Variants in UGT1A7 observed in about 807,000 individuals in gnomAD.
UGT1A7 encodes UDP glucuronosyltransferase family 1 member A7, also known as UDP-glucuronosyltransferase 1A7.
UGT1A7 carries 33 observed loss-of-function variants against 45.6 expected under a neutral mutation model. The ratio of observed to expected loss-of-function variants is 0.72; its 90% CI spans 0.55 to 0.97. UGT1A7 has a LOEUF of 0.97. UGT1A7 is among the 50% of genes least tolerant of loss of function. UGT1A7 has a pLI of 0.00. For synonymous variants in UGT1A7, 274 were observed against 250.6 expected (o/e 1.09, Z -0.88); for missense variants, 684 against 666.2 (o/e 1.03, Z -0.29).
At position 233,749,056 on chromosome 2, in the gene UGT1A7, A is replaced by T. The variant is rs140417619; in HGVS notation, c.856-17978A>T. Among the ~76,000 whole-genome samples, 122 of 151,804 alleles carry T rather than the reference A, an allele frequency of 8.0e-4. 1 individual carries two copies. Among genetic ancestry groups the T allele is most frequent in the African/African-American group, 2.8e-3 (116 of 41,130 alleles). On this transcript the variant is annotated intron_variant, in intron 1 of 4. Transcript: ENST00000373426. ...CATTGATGTGGTACTCTGGGACCTG[A>T]ATATTGTTTCTTATTCCTTGGTGTG... is the stretch of plus-strand genomic sequence containing the variant.
chr2:233,682,018 G>A lies in UGT1A7; in HGVS notation c.81G>A (p.Lys27=). The change falls in exon 1 of 5, where the codon AAG becomes AAA. Residue 27 remains lysine, a synonymous_variant. Coordinates refer to ENST00000373426, the MANE Select transcript of UGT1A7 (RefSeq NM_019077.3). ...LLTCGFAKAG[K]LLVVPMDGSH... Reference sequence around the variant, plus strand: ...CCTGTGGCTTTGCCAAGGCAGGGAAGCTGCTGGTAGTGCCCATGGATGGGA... The same window carrying A: ...CCTGTGGCTTTGCCAAGGCAGGGAAACTGCTGGTAGTGCCCATGGATGGGA... The A allele has an allele frequency of 1.2e-6, 2 of 1,614,138 alleles. No homozygotes were observed. The highest frequency in any genetic ancestry group is 1.7e-6 in the Non-Finnish European group (2 of 1,180,026).
In UGT1A7 at chr2:233,755,161, CG is replaced by C. The variant is rs146856809; in HGVS notation, c.856-11869del. The stretch of plus-strand genomic sequence containing the variant: ...CTTCTCACCGCTTCCTCCCTGTCCT[CG>C]GGGTTTTTGTCGGGGTGCCACTTGA... On this transcript the variant is annotated intron_variant, in intron 1 of 4. Transcript: ENST00000373426. 2.3e-3 allele frequency: 2,947 copies of C among 1,292,234 alleles called. 56 individuals carry two copies. The African/African-American group carries it at 0.041, about 18-fold the overall frequency. The allele number at this position is 1,292,234 out of a possible 1,614,324, so 80.0% of individuals were successfully genotyped here.
intron 1 of UGT1A7, among the ~76,000 whole-genome samples, chr2:233,719,977 G>A (rs928010366): frequency 8.5e-5 from 13 of 152,146 alleles, no homozygotes; most frequent in Admixed American, 4.6e-4. Flanking sequence ...CCTTCAGCTC[G>A]GCAGGATCAG....
At chr2:233,768,164 C>A in intron 3 of UGT1A7, 56 bp from the exon 4 acceptor site, 1 of 1,613,412 alleles carries the variant, frequency 6.2e-7, no homozygotes, top group South Asian at 1.1e-5. Context: ...CTAGATGTGT[C>A]CAGCTGTGAA....
chr2:233,718,782 C>A (rs199517966), intron 1 of UGT1A7: 2 of 1,612,936 alleles, frequency 1.2e-6, no homozygotes, highest in East Asian at 2.2e-5. Flanking sequence ...GCAGGCACAG[C>A]GTGGGGTGGA....
intron 1 of UGT1A7, chr2:233,743,801 T>C (rs1692515723): frequency 1.5e-6 from 2 of 1,367,278 alleles, no homozygotes; most frequent in Non-Finnish European, 2.0e-6. Context: ...CGCTTCCTCC[T>C]TGTTCTCAGG....
At chr2:233,727,507 A>C (rs2077622461) in intron 1 of UGT1A7, among the ~76,000 whole-genome samples, 2 of 152,166 alleles carry the variant, frequency 1.3e-5, no homozygotes, top group African/African-American at 4.8e-5. Flanking sequence ...GGAGCCCATG[A>C]ATGTGGGAAG....
Position 233,769,575 on chromosome 2 carries a change from G to A in UGT1A7, c.1295+1136G>A. On this transcript the variant is annotated intron_variant, in intron 4 of 4. Coordinates refer to ENST00000373426, the MANE Select transcript of UGT1A7 (RefSeq NM_019077.3). The surrounding 1 kb of genome is among the most constrained non-coding windows in gnomAD (Gnocchi z 4.4). ...AGACAGATGTGAAGAGCTGGAGCAT[G>A]TTCAGATGAGAGGAGACGGAACACG... The A allele has an allele frequency of 6.2e-7, 1 of 1,612,906 alleles. No homozygotes were observed. Among genetic ancestry groups the A allele is most frequent in the Middle Eastern group, 1.7e-4 (1 of 6,060 alleles).
chr2:233,737,358 T>G (rs955996652), intron 1 of UGT1A7, among the ~76,000 whole-genome samples: 1 of 152,234 alleles, frequency 6.6e-6, no homozygotes, highest in African/African-American at 2.4e-5. Flanking sequence ...TGGGAGCTGC[T>G]AAGCCAGGCA....
chr2:233,768,990 A>C (rs1198274565), intron 4 of UGT1A7, among the ~76,000 whole-genome samples: 1 of 152,146 alleles, frequency 6.6e-6, no homozygotes, highest in Admixed American at 6.5e-5. Context: ...TATTTCCCCC[A>C]TTAGATTTAA....
intron 1 of UGT1A7, chr2:233,747,118 C>G: frequency 6.9e-7 from 1 of 1,458,022 alleles, no homozygotes. Flanking sequence ...TGATGATTTG[C>G]TAAGTGGCTC....
chr2:233,725,967 A>G (rs2077486962), intron 1 of UGT1A7, among the ~76,000 whole-genome samples: 1 of 152,078 alleles, frequency 6.6e-6, no homozygotes, highest in Non-Finnish European at 1.5e-5. Flanking sequence ...GGAGTCTGAG[A>G]GCAGCCTGGG....
At chr2:233,730,730 G>A (rs186110324) in intron 1 of UGT1A7, among the ~76,000 whole-genome samples, 24 of 152,186 alleles carry the variant, frequency 1.6e-4, no homozygotes, top group African/African-American at 4.1e-4. Context: ...AAGAAATGGC[G>A]GAAGGGGCTA....
intron 1 of UGT1A7, among the ~76,000 whole-genome samples, chr2:233,762,570 C>A (rs1698104527): frequency 6.6e-6 from 1 of 152,154 alleles, no homozygotes; most frequent in South Asian, 2.1e-4. Flanking sequence ...TAGTCTAGTT[C>A]CCCACAGAGG....
chr2:233,757,238 G>C (rs191269433), intron 1 of UGT1A7, among the ~76,000 whole-genome samples: 1 of 148,984 alleles, frequency 6.7e-6, no homozygotes, highest in East Asian at 2.0e-4. Flanking sequence ...AGAAGTGGTG[G>C]TGAGGTGGGG....
At chr2:233,772,118 A>G (rs186997429) in intron 4 of UGT1A7, 144 bp from the exon 5 acceptor site, 177 of 1,520,864 alleles carry the variant, frequency 1.2e-4, no homozygotes, top group Non-Finnish European at 1.4e-4. Flanking sequence ...GTATCTAAAA[A>G]CAACAACAAC....
chr2:233,698,282 G>GA (rs528248105), intron 1 of UGT1A7, among the ~76,000 whole-genome samples: 1 of 151,926 alleles, frequency 6.6e-6, no homozygotes, highest in Non-Finnish European at 1.5e-5. Flanking sequence ...TCAACACTAT[G>GA]AAAAAAAATG....
At chr2:233,703,314 T>C (rs1197149723) in intron 1 of UGT1A7, among the ~76,000 whole-genome samples, 1 of 147,298 alleles carries the variant, frequency 6.8e-6, no homozygotes, top group Non-Finnish European at 1.5e-5. Flanking sequence ...TTTCATATTT[T>C]TAGCAATTTT....
chr2:233,733,971 G>A (rs927832512), intron 1 of UGT1A7, among the ~76,000 whole-genome samples: 7 of 152,028 alleles, frequency 4.6e-5, no homozygotes, highest in African/African-American at 7.3e-5. Flanking sequence ...TAGGGGGAGC[G>A]GGGAGGGATA....
Sources: allele counts gnomAD v4.1 joint callset (sites outside exome capture counted in the v4.1 genomes callset), GRCh38; gene constraint gnomAD v4.1.1; non-coding constraint Gnocchi (gnomAD v3.1); transcripts MANE v1.5; gene names NCBI Gene and HGNC (gene_info 2026-07-23, HGNC 2026-07-21).